The following KAZN variants were observed in gnomAD, a reference collection of about 807,000 sequenced individuals.
The protein encoded by KAZN is kazrin, periplakin interacting protein, also known as kazrin.
KAZN carries 40 observed loss-of-function variants against 87.4 expected under a neutral mutation model. The observed-to-expected ratio is 0.46, with a 90% CI of 0.36 to 0.60. The LOEUF is 0.60. KAZN is among the 20% of genes least tolerant of loss of function. The probability of loss-of-function intolerance (pLI) is 0.00; values close to 1 mark genes in which losing one functional copy is unlikely to be tolerated. For missense variants in KAZN, 898 were observed against 1,073.9 expected (o/e 0.84, Z 2.29); for synonymous variants, 466 against 458.3 (o/e 1.02, Z -0.22).
At chr1:14,813,074 TC>T (rs1646461269) in intron 1 of KAZN, among the ~76,000 whole-genome samples, 1 of 152,286 alleles carries the variant, frequency 6.6e-6, no homozygotes, top group Admixed American at 6.5e-5. Flanking sequence ...AGAGTTGGGT[TC>T]AGATTTGGAT....
intron 2 of KAZN, among the ~76,000 whole-genome samples, chr1:14,421,014 G>A (rs1357749130): frequency 1.3e-5 from 2 of 152,064 alleles, no homozygotes; most frequent in African/African-American, 2.4e-5. Flanking sequence ...CCTCAAGCGC[G>A]GCCAGAGTGG....
chr1:14,585,166 C>G (rs1430656047), intron 2 of KAZN, among the ~76,000 whole-genome samples: 5 of 152,172 alleles, frequency 3.3e-5, no homozygotes, highest in African/African-American at 1.2e-4. Flanking sequence ...GGACTTCCAG[C>G]CTCTAGAACT....
chr1:15,034,656 C>G, intron 2 of KAZN, 93 bp from the exon 3 acceptor site: 1 of 1,448,552 alleles, frequency 6.9e-7, no homozygotes, highest in Non-Finnish European at 9.4e-7. Context: ...TCACCTGTTA[C>G]AAAGGTGACG....
rs544640316 is a variant in KAZN, at chr1:15,048,666, C to T, written c.726+4507C>T. Among the ~76,000 whole-genome samples the T allele has an allele frequency of 1.6e-3, 225 of 143,006 alleles. 1 individual carries two copies. The highest frequency in any genetic ancestry group is 2.6e-3 in the Non-Finnish European group (178 of 67,280). The allele number at this position is 143,006 out of a possible 152,430, so 93.8% of individuals were successfully genotyped here. ...CGGTCCTGGGTCGTCGGTCCTGGGT[C>T]GCTGGTCCTGGGTCGTTGGTCCTGG... On this transcript the variant is annotated intron_variant, in intron 4 of 14. Transcript: ENST00000376030.
At chr1:14,750,330 C>T (rs1417901038) in intron 1 of KAZN, among the ~76,000 whole-genome samples, 1 of 152,158 alleles carries the variant, frequency 6.6e-6, no homozygotes, top group Non-Finnish European at 1.5e-5. Context: ...GGAGAGCAGC[C>T]ACGGCTCCTG....
intron 2 of KAZN, among the ~76,000 whole-genome samples, chr1:14,458,431 T>G (rs184733409): frequency 1.6e-4 from 24 of 152,346 alleles, no homozygotes; most frequent in Admixed American, 1.5e-3. Flanking sequence ...TTTCAATTCT[T>G]CCATCTCTTC....
At chr1:14,359,731 ATATCT>A (rs1659344756) in intron 2 of KAZN, among the ~76,000 whole-genome samples, 2 of 152,148 alleles carry the variant, frequency 1.3e-5, no homozygotes, top group Admixed American at 6.5e-5. Context: ...CTGGGTTGAA[ATATCT>A]TTTCTTTAAG....
At chr1:14,181,054 T>C (rs2100313479) in intron 2 of KAZN, among the ~76,000 whole-genome samples, 1 of 152,324 alleles carries the variant, frequency 6.6e-6, no homozygotes. Context: ...TTGAGGAAGG[T>C]ATTTAGCTCA....
chr1:14,888,054 T>C (rs954529533), intron 1 of KAZN, among the ~76,000 whole-genome samples: 47 of 152,146 alleles, frequency 3.1e-4, no homozygotes, highest in African/African-American at 1.1e-3. Flanking sequence ...GGAAGCGCCA[T>C]GCAGCACCAT....
intron 1 of KAZN, among the ~76,000 whole-genome samples, chr1:14,710,282 G>T (rs1642416470): frequency 3.3e-5 from 5 of 152,084 alleles, no homozygotes; most frequent in African/African-American, 1.2e-4. Flanking sequence ...CCCTCTCCTG[G>T]ATTCTCAAAG....
intron 1 of KAZN, among the ~76,000 whole-genome samples, chr1:14,086,859 T>G (rs1405235527): frequency 1.3e-5 from 2 of 152,240 alleles, no homozygotes; most frequent in South Asian, 2.1e-4. Flanking sequence ...TAATTGACCA[T>G]GTATGCGTGG....
At position 15,101,746 on chromosome 1, in the gene KAZN, T is replaced by A; in HGVS notation, c.1751T>A (p.Leu584Gln). The A allele has an allele frequency of 6.3e-7, 1 of 1,585,860 alleles. No individual in the cohort carries two copies. The highest frequency in any genetic ancestry group is 8.6e-7 in the Non-Finnish European group (1 of 1,165,706). Residue 584 changes from leucine (L) to glutamine (Q), a missense_variant, in exon 11 of 15, where the codon CTG becomes CAG. Physicochemically the swap from Leu to Gln is moderately radical, Grantham distance 113. Coordinates refer to ENST00000376030, the MANE Select transcript of KAZN (RefSeq NM_201628.3). ...GTCAGCATCCTGCTGGGGATCGAGCTGCTGTACCAAGTGAACTTCAGCAGG... is the reference window on the plus strand; with the variant it reads ...GTCAGCATCCTGCTGGGGATCGAGCAGCTGTACCAAGTGAACTTCAGCAGG... ...HQVSILLGIE[L>Q]LYQVNFSREA...
intron 2 of KAZN, among the ~76,000 whole-genome samples, chr1:14,406,687 T>C (rs1210682982): frequency 1.3e-5 from 2 of 152,140 alleles, no homozygotes; most frequent in Non-Finnish European, 2.9e-5. Flanking sequence ...CCAAAACCTA[T>C]GGAAATTAAA....
chr1:14,197,205 G>A (rs955268024), intron 2 of KAZN, among the ~76,000 whole-genome samples: 6 of 151,852 alleles, frequency 4.0e-5, no homozygotes, highest in African/African-American at 1.5e-4. Context: ...TAAGAGAAAC[G>A]GGGATTTTTT....
chr1:15,075,726 G>T (rs1368532289), intron 8 of KAZN, among the ~76,000 whole-genome samples: 1 of 152,204 alleles, frequency 6.6e-6, no homozygotes, highest in Non-Finnish European at 1.5e-5. Flanking sequence ...AGGACCCAAA[G>T]CAGTGCACAG....
chr1:14,534,553 G>A (rs1319026950), intron 2 of KAZN, among the ~76,000 whole-genome samples: 2 of 152,124 alleles, frequency 1.3e-5, no homozygotes, highest in Non-Finnish European at 2.9e-5. Flanking sequence ...GCTGAGGCAG[G>A]AGAATCACTT....
At position 15,006,659 on chromosome 1, in the gene KAZN, G is replaced by T. The variant is rs76768470; in HGVS notation, c.419-28090G>T. ...TTGACAAAACAGATAATAAACCAGA[G>T]AAATAAGTAAAATGTATGATCTGGT... On this transcript the variant is annotated intron_variant, in intron 2 of 14. Coordinates refer to ENST00000376030, the MANE Select transcript of KAZN (RefSeq NM_201628.3). Among the ~76,000 whole-genome samples, 1,171 of 152,308 alleles carry T rather than the reference G, an allele frequency of 7.7e-3. 17 individuals are homozygous for T. The highest frequency in any genetic ancestry group is 0.027 in the African/African-American group (1,122 of 41,564).
intron 2 of KAZN, among the ~76,000 whole-genome samples, chr1:14,190,609 C>T (rs1034006378): frequency 1.3e-5 from 2 of 152,062 alleles, no homozygotes; most frequent in African/African-American, 4.8e-5. Context: ...AAGGGTGGGT[C>T]GCTTTAGAGA....
intron 2 of KAZN, among the ~76,000 whole-genome samples, chr1:14,193,622 C>T (rs1249575743): frequency 1.3e-5 from 2 of 151,394 alleles, no homozygotes; most frequent in African/African-American, 2.4e-5. Flanking sequence ...TAATACACCT[C>T]TCCTGATCAG....
Sources: gnomAD v4.1 joint callset for allele counts (sites outside exome capture counted in the v4.1 genomes callset) on GRCh38, gnomAD v4.1.1 for gene constraint, MANE v1.5 for transcripts, NCBI Gene and HGNC (gene_info 2026-07-23, HGNC 2026-07-21) for gene names.